Variants in FMR1 observed in about 807,000 individuals in gnomAD.
FMR1 encodes the protein FMRP translational regulator 1.
A neutral mutation model predicts 50.6 loss-of-function variants in FMR1; 13 were observed. The observed-to-expected ratio is 0.26, with a 90% CI of 0.17 to 0.41. The LOEUF (loss-of-function observed/expected upper bound fraction) is 0.41. FMR1 is among the 10% of genes least tolerant of loss of function. The pLI is 1.00. For synonymous variants in FMR1, 138 were observed against 164.1 expected, an observed-to-expected ratio of 0.84 and a Z score of 1.22; for missense variants, 316 against 491.3, an observed-to-expected ratio of 0.64 and a Z score of 3.37.
At chrX:147,933,730 A>C in intron 9 of FMR1, 2 of 536,692 alleles carry the variant, frequency 3.7e-6, no homozygotes, top group Non-Finnish European at 4.6e-6. Flanking sequence ...TGGCCATTTT[A>C]TATAAAGTAA....
chrX:147,935,197 T>C (rs948110664), intron 9 of FMR1, among the ~76,000 whole-genome samples: 2 of 111,929 alleles, frequency 1.8e-5, no homozygotes, highest in African/African-American at 6.5e-5. Context: ...CTTTTCGTTA[T>C]AGAAGAACAG....
chrX:147,935,026 G>C (rs1248420363), intron 9 of FMR1, among the ~76,000 whole-genome samples: 2 of 111,680 alleles, frequency 1.8e-5, no homozygotes, highest in Non-Finnish European at 3.8e-5. Flanking sequence ...GGATAATTAA[G>C]ATATTATCTT....
chrX:147,932,826 A>G (rs2043650275), intron 9 of FMR1, 63 bp downstream of exon 9: 1 of 755,066 alleles, frequency 1.3e-6, no homozygotes, highest in Admixed American at 2.4e-5. Context: ...CAGTTTATTT[A>G]TAGTGATAGA....
In FMR1 at chrX:147,951,000, A is replaced by G; in HGVS notation, c.*2156A>G. 1 of 250,063 alleles carries G rather than the reference A, an allele frequency of 4.0e-6. No individual in the cohort carries two copies. The highest frequency in any genetic ancestry group is 7.5e-6 in the Non-Finnish European group (1 of 133,322). The allele number at this position is 250,063 out of a possible 1,213,427, so 20.6% of individuals were successfully genotyped here. A position where few individuals can be genotyped will look rare whatever the true frequency, so the allele number is the denominator to read the frequency against. ...TCATATTACAATATTTGTGTGCTAA[A>G]CGTGTATGTTTTTCAGTTCAAAGTC... On this transcript the variant is annotated 3_prime_UTR_variant, in exon 17 of 17. Transcript: ENST00000370475.
chrX:147,924,467 TTGTGTGTG>T (rs3999731), intron 2 of FMR1, among the ~76,000 whole-genome samples: 9 of 91,079 alleles, frequency 9.9e-5, no homozygotes, highest in South Asian at 5.4e-4. Context: ...AGTATTTTAT[TTGTGTGTG>T]TGTGTGTGTG....
intron 2 of FMR1, among the ~76,000 whole-genome samples, chrX:147,923,132 T>C (rs1369387040): frequency 1.8e-5 from 2 of 111,916 alleles, no homozygotes; most frequent in Non-Finnish European, 3.8e-5. Context: ...TAGCAGATTC[T>C]TTTGGCTAGC....
chrX:147,945,420 T>C, intron 15 of FMR1, 114 bp from the exon 16 acceptor site: 1 of 580,608 alleles, frequency 1.7e-6, no homozygotes, highest in Non-Finnish European at 3.0e-6. Context: ...CACTGGGGTA[T>C]TGATTACATT....
intron 9 of FMR1, among the ~76,000 whole-genome samples, chrX:147,935,830 C>A (rs1369034591): frequency 8.9e-6 from 1 of 111,999 alleles, no homozygotes; most frequent in African/African-American, 3.2e-5. Flanking sequence ...TTTTCTTAAT[C>A]TTTTACTCTG....
chrX:147,949,123 A>T lies in FMR1; in HGVS notation c.*279A>T, dbSNP rs2044264866. The T allele has an allele frequency of 7.1e-6, 3 of 425,161 alleles. No homozygotes were observed. Among genetic ancestry groups the T allele is most frequent in the Non-Finnish European group, 8.6e-6 (2 of 232,717 alleles). The allele number at this position is 425,161 out of a possible 1,213,427, so 35.0% of individuals were successfully genotyped here. The stretch of plus-strand genomic sequence containing the variant: ...TTATTTTCTAAAGTACTGAGCAGTG[A>T]TATTCTTTGTTAATTTGGACCATTT... On this transcript the variant is annotated 3_prime_UTR_variant, in exon 17 of 17. Transcript: ENST00000370475.
chrX:147,937,630 A>G (rs782325234), intron 11 of FMR1, 30 bp downstream of exon 11: 5 of 696,305 alleles, frequency 7.2e-6, no homozygotes, highest in African/African-American at 4.2e-5. Flanking sequence ...TTGAATTACA[A>G]TACAAGTAAT....
chrX:147,924,467 TTGTGTGTGTGTGTGTGTG>T (rs3999731), intron 2 of FMR1, among the ~76,000 whole-genome samples: 2 of 91,079 alleles, frequency 2.2e-5, no homozygotes, highest in Admixed American at 2.6e-4. Flanking sequence ...AGTATTTTAT[TTGTGTGTGTGTGTGTGTG>T]TGTGTGTGTG....
chrX:147,927,176 A>C (rs1043298619), intron 3 of FMR1, among the ~76,000 whole-genome samples: 2 of 112,133 alleles, frequency 1.8e-5, no homozygotes, highest in Admixed American at 9.4e-5. Context: ...GAAGACTGTA[A>C]GCTCTCTGAA....
At chrX:147,923,421 A>T (rs1207948282) in intron 2 of FMR1, among the ~76,000 whole-genome samples, 1 of 111,740 alleles carries the variant, frequency 8.9e-6, no homozygotes, top group African/African-American at 3.3e-5. Context: ...TCTTACAATT[A>T]TACACTTTAT....
Position 147,932,712 on chromosome X carries a change from A to G in FMR1, c.829A>G (p.Ser277Gly), listed in dbSNP as rs143161663. The change falls in exon 9 of 17, where the codon AGC (serine) becomes GGC (glycine). Residue 277 changes from serine to glycine, a missense_variant. Coordinates refer to ENST00000370475, the MANE Select transcript of FMR1 (RefSeq NM_002024.6). ...EDQDAVKKAR[S>G]FLEFAEDVIQ... ...TCAGGATGCAGTGAAAAAAGCTAGA[A>G]GCTTTCTCGAATTTGCTGAAGATGT... 9.1e-6 allele frequency: 11 copies of G among 1,207,274 alleles called. No homozygotes were observed. Among genetic ancestry groups the G allele is most frequent in the Non-Finnish European group, 1.2e-5 (11 of 893,437 alleles).
intron 9 of FMR1, among the ~76,000 whole-genome samples, chrX:147,935,049 C>T (rs781905700): frequency 5.0e-4 from 56 of 111,479 alleles, no homozygotes; most frequent in African/African-American, 1.8e-3. Context: ...TAAAAACATC[C>T]CCAAATCTCA....
intron 16 of FMR1, among the ~76,000 whole-genome samples, chrX:147,946,471 T>C (rs1370293822): frequency 2.7e-5 from 3 of 112,479 alleles, no homozygotes; most frequent in Non-Finnish European, 5.6e-5. Context: ...TCACCAGTGC[T>C]AAACCAATTG....
intron 9 of FMR1, among the ~76,000 whole-genome samples, chrX:147,935,993 A>G (rs1483518326): frequency 1.8e-5 from 2 of 112,386 alleles, no homozygotes; most frequent in African/African-American, 6.5e-5. Context: ...ATTATCTTTT[A>G]TAAATGTGCC....
chrX:147,929,289 G>A (rs142391209), intron 5 of FMR1, among the ~76,000 whole-genome samples: 427 of 111,840 alleles, frequency 3.8e-3, no homozygotes, highest in Non-Finnish European at 5.9e-3. Context: ...TAGAAGAGAC[G>A]CATTTTTATT....
At chrX:147,916,052 G>T (rs1455910294) in intron 1 of FMR1, among the ~76,000 whole-genome samples, 1 of 112,206 alleles carries the variant, frequency 8.9e-6, no homozygotes, top group Non-Finnish European at 1.9e-5. Context: ...AAATAATTCA[G>T]TTTATGTGCC....
Sources: allele counts gnomAD v4.1 joint callset (sites outside exome capture counted in the v4.1 genomes callset), GRCh38; gene constraint gnomAD v4.1.1; transcripts MANE v1.5; gene names NCBI Gene and HGNC (gene_info 2026-07-23, HGNC 2026-07-21).